CCDC146: variants seen among roughly 807,000 people sequenced by gnomAD.
The protein encoded by CCDC146 is coiled-coil domain-containing protein 146.
A neutral mutation model predicts 119.3 loss-of-function variants in CCDC146; 92 were observed. The ratio of observed to expected loss-of-function variants is 0.77; its 90% CI spans 0.65 to 0.92. CCDC146 has a LOEUF of 0.92. Ranked by LOEUF, CCDC146 falls within the 40% of genes least tolerant of loss-of-function variation. The pLI is 0.00. For missense variants in CCDC146, 1,000 were observed against 1,103.0 expected, an observed-to-expected ratio of 0.91 and a Z score of 1.32; for synonymous variants, 372 against 371.8, an observed-to-expected ratio of 1.00 and a Z score of -0.01.
intron 2 of CCDC146, among the ~76,000 whole-genome samples, chr7:77,197,805 G>C (rs1172332118): frequency 6.6e-6 from 1 of 152,100 alleles, no homozygotes; most frequent in African/African-American, 2.4e-5. Flanking sequence ...AAAGTATTTA[G>C]CCACTATTTC....
chr7:77,292,481 G>A lies in CCDC146; in HGVS notation c.2416-471G>A, dbSNP rs190858289. On this transcript the variant is annotated intron_variant, in intron 17 of 18. Coordinates refer to ENST00000285871, the MANE Select transcript of CCDC146 (RefSeq NM_020879.3). ...ATACAAAAAAAATTAGCCGGGTATG[G>A]TGTTGGGCACTTGTAGTCCCAGCTA... is the stretch of plus-strand genomic sequence containing the variant. 2.1e-3 allele frequency among the ~76,000 whole-genome samples: 313 copies of A among 151,580 alleles called. 1 individual carries two copies. Among genetic ancestry groups the A allele is most frequent in the Non-Finnish European group, 3.5e-3 (236 of 67,860 alleles).
chr7:77,136,691 C>A (rs1275684088), intron 1 of CCDC146, among the ~76,000 whole-genome samples: 1 of 152,110 alleles, frequency 6.6e-6, no homozygotes, highest in Non-Finnish European at 1.5e-5. Flanking sequence ...CTATCAAAGC[C>A]TTTAAGGAAA....
At chr7:77,237,494 A>G (rs1187822288) in intron 3 of CCDC146, among the ~76,000 whole-genome samples, 2 of 152,198 alleles carry the variant, frequency 1.3e-5, no homozygotes, top group East Asian at 1.9e-4. Context: ...CTGCTGATAC[A>G]TATGGTAACT....
chr7:77,199,845 T>G (rs1351077602), intron 2 of CCDC146: 2 of 1,557,164 alleles, frequency 1.3e-6, no homozygotes, highest in Non-Finnish European at 1.7e-6. Context: ...GGAGCTGCTT[T>G]AATAGCGGCA....
Position 77,143,592 on chromosome 7 carries a change from T to C in CCDC146, c.-12+20860T>C, listed in dbSNP as rs1341018879. Among the ~76,000 whole-genome samples the C allele has an allele frequency of 4.6e-5, 7 of 152,040 alleles. No homozygotes were observed. The East Asian group carries it at 7.7e-4, about 17-fold the overall frequency. ...TTAATCAATCTTGAATTAATTTTGG[T>C]ATAAGGTGTAAGGAAGGGATCCAGT... On this transcript the variant is annotated intron_variant, in intron 1 of 18. Transcript: ENST00000285871.
At chr7:77,278,865 T>G (rs1793707654) in intron 12 of CCDC146, 25 bp downstream of exon 12, 1 of 1,599,974 alleles carries the variant, frequency 6.3e-7, no homozygotes, top group African/African-American at 1.3e-5. Flanking sequence ...TGGTGTTTTA[T>G]CTACGTAGGT....
At chr7:77,154,507 C>T (rs1332276279) in intron 1 of CCDC146, among the ~76,000 whole-genome samples, 1 of 149,892 alleles carries the variant, frequency 6.7e-6, no homozygotes, top group Non-Finnish European at 1.5e-5. Context: ...TTCCTGTGTC[C>T]ATGTGTTCTC....
chr7:77,269,188 A>G (rs1364267906), intron 9 of CCDC146, among the ~76,000 whole-genome samples: 1 of 152,040 alleles, frequency 6.6e-6, no homozygotes, highest in Non-Finnish European at 1.5e-5. Context: ...GACTTGCTAA[A>G]AGAGAAATTT....
chr7:77,248,429 G>A (rs994921109), intron 4 of CCDC146, among the ~76,000 whole-genome samples: 1 of 152,206 alleles, frequency 6.6e-6, no homozygotes, highest in Non-Finnish European at 1.5e-5. Context: ...GTATACAAAT[G>A]AGAAAACCTG....
chr7:77,265,718 C>T (rs1159355745), intron 9 of CCDC146, among the ~76,000 whole-genome samples: 2 of 152,108 alleles, frequency 1.3e-5, no homozygotes, highest in Non-Finnish European at 2.9e-5. Context: ...GCTATACCAG[C>T]CAGAAAGAAA....
intron 2 of CCDC146, among the ~76,000 whole-genome samples, chr7:77,203,946 GTATATT>G (rs1792040710): frequency 6.6e-6 from 1 of 151,858 alleles, no homozygotes; most frequent in East Asian, 1.9e-4. Context: ...CTTACACAAA[GTATATT>G]TAAGAGAAGA....
In CCDC146 at chr7:77,260,169, G is replaced by A; in HGVS notation, c.919G>A (p.Glu307Lys). 6.2e-7 allele frequency: 1 copy of A among 1,613,992 alleles called. No individual in the cohort carries two copies. The highest frequency in any genetic ancestry group is 8.5e-7 in the Non-Finnish European group (1 of 1,180,008). ...AGCCTTACTTGAAATCAAAGAACGA[G>A]AACATAACCAATTGGTCAAGCTATT... ...KRALLEIKER[E>K]HNQLVKLLEL... Residue 307 changes from glutamate (E) to lysine (K), a missense_variant, in exon 8 of 19, where the codon GAA becomes AAA. Transcript: ENST00000285871.
At chr7:77,134,608 A>G (rs1192942079) in intron 1 of CCDC146, among the ~76,000 whole-genome samples, 7 of 142,546 alleles carry the variant, frequency 4.9e-5, no homozygotes, top group Admixed American at 4.2e-4. Context: ...TCTATGGGGT[A>G]TGCATGTTCT....
At chr7:77,192,706 C>T (rs1298822387) in intron 2 of CCDC146, among the ~76,000 whole-genome samples, 7 of 151,992 alleles carry the variant, frequency 4.6e-5, no homozygotes, top group African/African-American at 1.5e-4. Context: ...GGGTGGATCA[C>T]GAGGTCAGGA....
intron 1 of CCDC146, among the ~76,000 whole-genome samples, chr7:77,143,652 A>G (rs1274556469): frequency 1.3e-5 from 2 of 151,564 alleles, no homozygotes; most frequent in Middle Eastern, 6.3e-3. Context: ...CAGTTTTCAC[A>G]GCACCATTTT....
chr7:77,254,707 CT>C, intron 5 of CCDC146, 144 bp downstream of exon 5: 1 of 487,546 alleles, frequency 2.1e-6, no homozygotes, highest in Non-Finnish European at 3.6e-6. Context: ...GCTGAAAAGA[CT>C]AGCTACATAA....
intron 1 of CCDC146, among the ~76,000 whole-genome samples, chr7:77,166,975 G>T (rs1468342943): frequency 2.0e-5 from 3 of 152,182 alleles, no homozygotes; most frequent in Non-Finnish European, 4.4e-5. Context: ...TATTGTTACT[G>T]CATTGATTTA....
At chr7:77,133,828 T>TACACAC (rs142218364) in intron 1 of CCDC146, among the ~76,000 whole-genome samples, 17,091 of 143,610 alleles carry the variant, frequency 0.12, 1,034 homozygotes, top group Middle Eastern at 0.18. Flanking sequence ...TATGCTTAGG[T>TACACAC]ACACACACAC....
intron 11 of CCDC146, among the ~76,000 whole-genome samples, chr7:77,277,652 A>G (rs1197388134): frequency 1.2e-4 from 18 of 152,136 alleles, no homozygotes; most frequent in African/African-American, 4.1e-4. Flanking sequence ...ACATTTTCCC[A>G]TCTGTTTTAT....
Sources: gnomAD v4.1 joint callset for allele counts (sites outside exome capture counted in the v4.1 genomes callset) on GRCh38, gnomAD v4.1.1 for gene constraint, MANE v1.5 for transcripts, NCBI Gene and HGNC (gene_info 2026-07-23, HGNC 2026-07-21) for gene names.